The following SAMSN1 variants were observed in gnomAD, a reference collection of about 807,000 sequenced individuals.
SAMSN1 encodes the protein SAM domain, SH3 domain and nuclear localization signals 1.
SAMSN1 carries 31 observed loss-of-function variants against 42.0 expected under a neutral mutation model. That is an observed-to-expected ratio of 0.74 (90% CI 0.55 to 1.00). The LOEUF (loss-of-function observed/expected upper bound fraction) is 1.00, where lower values mean the gene tolerates loss of function less well. Among genes scored for constraint, SAMSN1 ranks in the 50% least tolerant of loss-of-function variants. The pLI is 0.00. For synonymous variants in SAMSN1, 178 were observed against 151.9 expected (o/e 1.17, Z -1.26); for missense variants, 464 against 439.4 (o/e 1.06, Z -0.50).
At chr21:14,551,410 G>A (rs966543909) in intron 2 of SAMSN1, among the ~76,000 whole-genome samples, 3 of 152,096 alleles carry the variant, frequency 2.0e-5, no homozygotes, top group Admixed American at 6.6e-5. Flanking sequence ...CTTACAAGAT[G>A]TTTGAATGTA....
At chr21:14,606,926 T>G (rs1457539073) in intron 5 of SAMSN1, among the ~76,000 whole-genome samples, 1 of 152,222 alleles carries the variant, frequency 6.6e-6, no homozygotes, top group Non-Finnish European at 1.5e-5. Context: ...ATGGAATTTT[T>G]TCATCAGGTC....
chr21:14,539,908 A>G (rs1490278091), intron 1 of SAMSN1, among the ~76,000 whole-genome samples: 1 of 152,208 alleles, frequency 6.6e-6, no homozygotes, highest in African/African-American at 2.4e-5. Flanking sequence ...ACAAGACTAC[A>G]GTAACAAAAC....
chr21:14,515,921 G>A (rs1041935068), intron 3 of SAMSN1, among the ~76,000 whole-genome samples: 11 of 152,134 alleles, frequency 7.2e-5, no homozygotes, highest in African/African-American at 1.9e-4. Flanking sequence ...TCAGGGAAAC[G>A]TAAAGTACAA....
chr21:14,616,642 C>G (rs1315801095), intron 2 of SAMSN1, among the ~76,000 whole-genome samples: 1 of 152,162 alleles, frequency 6.6e-6, no homozygotes, highest in Non-Finnish European at 1.5e-5. Context: ...CCTTTAAAAG[C>G]TCTTCAGATT....
At chr21:14,558,644 G>A (rs1486727083) in intron 2 of SAMSN1, among the ~76,000 whole-genome samples, 3 of 152,104 alleles carry the variant, frequency 2.0e-5, no homozygotes, top group Non-Finnish European at 4.4e-5. Context: ...TCTCATCACT[G>A]CATGCCAGCC....
At chr21:14,621,595 G>GGAGGGGCGCCCGCCATTGCT (rs199797741) in intron 2 of SAMSN1, among the ~76,000 whole-genome samples, 1 of 151,562 alleles carries the variant, frequency 6.6e-6, no homozygotes, top group African/African-American at 2.4e-5. Flanking sequence ...AGAGGCTGGG[G>GGAGGGGCGCCCGCCATTGCT]GAGGCTTGAG....
At chr21:14,533,054 A>G (rs369558229) in intron 1 of SAMSN1, among the ~76,000 whole-genome samples, 24 of 152,068 alleles carry the variant, frequency 1.6e-4, no homozygotes, top group African/African-American at 4.6e-4. Flanking sequence ...CTGGGACTAC[A>G]CATGTGCACC....
At chr21:14,560,908 G>A (rs1980926961) in intron 2 of SAMSN1, among the ~76,000 whole-genome samples, 2 of 152,154 alleles carry the variant, frequency 1.3e-5, no homozygotes, top group Non-Finnish European at 2.9e-5. Context: ...AGATATTATT[G>A]TCTCAGTATT....
intron 5 of SAMSN1, among the ~76,000 whole-genome samples, chr21:14,503,131 T>C (rs187759770): frequency 6.6e-6 from 1 of 152,268 alleles, no homozygotes; most frequent in East Asian, 1.9e-4. Context: ...CCTTATATAA[T>C]AGGAGGGACT....
At chr21:14,562,386 C>A (rs1035045370) in intron 2 of SAMSN1, among the ~76,000 whole-genome samples, 31 of 151,832 alleles carry the variant, frequency 2.0e-4, no homozygotes, top group Non-Finnish European at 3.8e-4. Context: ...TTTGGTCCAA[C>A]ATGTTATATT....
chr21:14,539,149 C>G (rs9979842), intron 1 of SAMSN1, among the ~76,000 whole-genome samples: 1 of 151,938 alleles, frequency 6.6e-6, no homozygotes, highest in Non-Finnish European at 1.5e-5. Flanking sequence ...GAGTTCTTAA[C>G]ATAAAGCTTA....
chr21:14,600,659 C>T (rs78694907), intron 6 of SAMSN1, among the ~76,000 whole-genome samples: 63 of 152,256 alleles, frequency 4.1e-4, no homozygotes, highest in African/African-American at 1.4e-3. Flanking sequence ...TATTTTTCTA[C>T]GAAAAACCTA....
chr21:14,544,467 A>G (rs1002034490), intron 1 of SAMSN1, among the ~76,000 whole-genome samples: 3 of 152,218 alleles, frequency 2.0e-5, no homozygotes, highest in African/African-American at 7.2e-5. Flanking sequence ...TATCACTTCC[A>G]TGTTAAAAGG....
At chr21:14,569,984 TC>T (rs5842490) in intron 2 of SAMSN1, among the ~76,000 whole-genome samples, 58,716 of 149,630 alleles carry the variant, frequency 0.39, 12,125 homozygotes, top group Admixed American at 0.51. Flanking sequence ...TTAACCACTT[TC>T]CCCCCCCCCA....
intron 2 of SAMSN1, among the ~76,000 whole-genome samples, chr21:14,578,851 A>G (rs1236808307): frequency 1.3e-5 from 2 of 152,116 alleles, no homozygotes; most frequent in Admixed American, 1.3e-4. Context: ...TTTTAAAAAT[A>G]TAATCACACT....
Position 14,485,920 on chromosome 21 carries a change from T to C in SAMSN1, c.1114A>G (p.Ser372Gly), listed in dbSNP as rs1986414019. The C allele has an allele frequency of 6.2e-7, 1 of 1,613,226 alleles. No individual in the cohort carries two copies. Among genetic ancestry groups the C allele is most frequent in the Non-Finnish European group, 8.5e-7 (1 of 1,179,332 alleles). Residue 372 changes from serine (S) to glycine (G), a missense_variant, in exon 8 of 8, where the codon AGT becomes GGT. Physicochemically the swap from Ser to Gly is moderately conservative, Grantham distance 56. Coordinates refer to ENST00000400566, the MANE Select transcript of SAMSN1 (RefSeq NM_022136.5). ...TAGTTGGGAATGCGTGTTCAGTCAC[T>C]TGGCTCTGTGATAATAATCTTATGT... is the stretch of plus-strand genomic sequence containing the variant. The part of the protein sequence containing the change: ...MVHKIIITEP[S>G]D
At chr21:14,601,999 G>T (rs1440575376) in intron 6 of SAMSN1, 2 of 675,282 alleles carry the variant, frequency 3.0e-6, no homozygotes, top group East Asian at 2.7e-5. Context: ...CACAAAACAC[G>T]CAAATGCTGA....
At chr21:14,580,632 G>T (rs7276803) in intron 2 of SAMSN1, among the ~76,000 whole-genome samples, 127,929 of 152,328 alleles carry the variant, frequency 0.84, 54,313 homozygotes, top group African/African-American at 0.93. Context: ...TCATCAGTTC[G>T]AAGTCTGTTA....
At chr21:14,537,992 T>G (rs1314844458) in intron 1 of SAMSN1, among the ~76,000 whole-genome samples, 1 of 152,226 alleles carries the variant, frequency 6.6e-6, no homozygotes, top group Non-Finnish European at 1.5e-5. Flanking sequence ...GTTCTAGACT[T>G]CATTTTCTCC....
Sources: allele counts gnomAD v4.1 joint callset (sites outside exome capture counted in the v4.1 genomes callset), GRCh38; gene constraint gnomAD v4.1.1; transcripts MANE v1.5; gene names NCBI Gene and HGNC (gene_info 2026-07-23, HGNC 2026-07-21).